RALYL: variants seen among roughly 807,000 people sequenced by gnomAD.
The protein encoded by RALYL is RALY RNA binding protein like, also known as RNA-binding Raly-like protein.
Under a neutral mutation model 35.1 loss-of-function variants are expected in RALYL, and 29 were observed. That is an observed-to-expected ratio of 0.83 (90% CI 0.61 to 1.13). RALYL has a LOEUF of 1.13. Among genes scored for constraint, RALYL ranks in the 50% most tolerant of loss-of-function variants. The pLI, the probability that RALYL is intolerant of heterozygous loss-of-function variation, is 0.00. For synonymous variants in RALYL, 120 were observed against 127.6 expected (o/e 0.94, Z 0.40); for missense variants, 359 against 360.4 (o/e 1.00, Z 0.03).
intron 2 of RALYL, among the ~76,000 whole-genome samples, chr8:84,617,777 A>C (rs1013560974): frequency 6.6e-6 from 1 of 151,336 alleles, no homozygotes; most frequent in Non-Finnish European, 1.5e-5. Flanking sequence ...ATCAATACCT[A>C]ATTTATTGAG....
intron 2 of RALYL, among the ~76,000 whole-genome samples, chr8:84,702,143 C>A (rs1840303883): frequency 6.6e-6 from 1 of 152,058 alleles, no homozygotes; most frequent in South Asian, 2.1e-4. Context: ...TTAGAAAAGA[C>A]CTCAGCACCT....
intron 1 of RALYL, among the ~76,000 whole-genome samples, chr8:84,362,791 C>T (rs989724747): frequency 1.3e-5 from 2 of 152,054 alleles, no homozygotes; most frequent in Non-Finnish European, 2.9e-5. Flanking sequence ...GGGAACAGCA[C>T]CTTGGCTAGT....
chr8:84,728,267 G>A lies in RALYL; in HGVS notation c.257-46312G>A, dbSNP rs954495747. The stretch of plus-strand genomic sequence containing the variant: ...TCGTGTGTTTTTTGGCTACATAGAT[G>A]TCTTCTTTTGAGAAGTGTCTGCTCA... On this transcript the variant is annotated intron_variant, in intron 2 of 8. Coordinates refer to ENST00000521268, the MANE Select transcript of RALYL (RefSeq NM_173848.7). Among the ~76,000 whole-genome samples, 38 of 152,122 alleles carry A rather than the reference G, an allele frequency of 2.5e-4. 1 individual carries two copies. The highest frequency in any genetic ancestry group is 5.9e-5 in the Non-Finnish European group (4 of 68,042).
At chr8:84,756,854 TTACTC>T (rs1374979520) in intron 2 of RALYL, among the ~76,000 whole-genome samples, 6 of 152,062 alleles carry the variant, frequency 3.9e-5, no homozygotes, top group Non-Finnish European at 7.4e-5. Context: ...CATATTTTGA[TTACTC>T]TGTGAATAAA....
intron 5 of RALYL, among the ~76,000 whole-genome samples, chr8:84,858,578 C>A (rs1471704228): frequency 1.3e-5 from 2 of 152,176 alleles, no homozygotes; most frequent in African/African-American, 4.8e-5. Context: ...TGCTGGATTG[C>A]CATTTCTGCT....
intron 4 of RALYL, among the ~76,000 whole-genome samples, chr8:84,825,102 T>A (rs1829385371): frequency 6.6e-6 from 1 of 152,038 alleles, no homozygotes; most frequent in African/African-American, 2.4e-5. Context: ...AAACTATATA[T>A]CTGACAAAAT....
At chr8:84,378,430 A>G (rs1857338873) in intron 1 of RALYL, among the ~76,000 whole-genome samples, 2 of 151,946 alleles carry the variant, frequency 1.3e-5, no homozygotes, top group African/African-American at 4.8e-5. Context: ...TTAGGCATAT[A>G]TGAATAATAC....
intron 1 of RALYL, among the ~76,000 whole-genome samples, chr8:84,369,547 G>C (rs1003220712): frequency 3.3e-5 from 5 of 151,982 alleles, no homozygotes; most frequent in Admixed American, 1.3e-4. Flanking sequence ...AGAGCTTCAG[G>C]GGGGTAGGTT....
chr8:84,709,274 T>A (rs1841751111), intron 2 of RALYL, among the ~76,000 whole-genome samples: 1 of 152,094 alleles, frequency 6.6e-6, no homozygotes, highest in Admixed American at 6.6e-5. Flanking sequence ...AAGACATTAA[T>A]GGTTTCTCAT....
chr8:84,400,071 G>A (rs530757396), intron 1 of RALYL, among the ~76,000 whole-genome samples: 17 of 152,176 alleles, frequency 1.1e-4, no homozygotes, highest in African/African-American at 2.6e-4. Context: ...AGTCAAGATC[G>A]TGCCACTGCA....
intron 1 of RALYL, among the ~76,000 whole-genome samples, chr8:84,487,552 A>C (rs2054787810): frequency 6.6e-6 from 1 of 152,082 alleles, no homozygotes; most frequent in African/African-American, 2.4e-5. Flanking sequence ...GATAGGGGTC[A>C]AGAAACCAAG....
At chr8:84,208,189 A>T (rs1384221736) in intron 1 of RALYL, among the ~76,000 whole-genome samples, 1 of 152,170 alleles carries the variant, frequency 6.6e-6, no homozygotes, top group East Asian at 1.9e-4. Context: ...TTTTCTGTAG[A>T]GTATTAAATT....
At chr8:84,265,909 T>C (rs1200367379) in intron 1 of RALYL, among the ~76,000 whole-genome samples, 1 of 152,210 alleles carries the variant, frequency 6.6e-6, no homozygotes, top group African/African-American at 2.4e-5. Flanking sequence ...CTTTCTTTCC[T>C]TTCCTGTACC....
intron 2 of RALYL, among the ~76,000 whole-genome samples, chr8:84,640,708 C>T (rs1826129664): frequency 6.6e-6 from 1 of 151,796 alleles, no homozygotes; most frequent in Admixed American, 6.6e-5. Context: ...AAAGAGTCAC[C>T]TCAAGCTTTC....
intron 1 of RALYL, among the ~76,000 whole-genome samples, chr8:84,349,841 C>T (rs1850557566): frequency 6.7e-6 from 1 of 150,188 alleles, no homozygotes; most frequent in Admixed American, 6.6e-5. Context: ...AATCACCCAT[C>T]ACCTTAATGA....
At chr8:84,431,328 C>T (rs2047117265) in intron 1 of RALYL, among the ~76,000 whole-genome samples, 1 of 152,146 alleles carries the variant, frequency 6.6e-6, no homozygotes, top group Non-Finnish European at 1.5e-5. Flanking sequence ...CTATACTATC[C>T]TGACTCCCAC....
intron 2 of RALYL, among the ~76,000 whole-genome samples, chr8:84,637,647 G>T (rs1388355453): frequency 6.6e-6 from 1 of 151,856 alleles, no homozygotes; most frequent in East Asian, 1.9e-4. Flanking sequence ...ATGAGGGAAA[G>T]GTACTCAGTA....
chr8:84,481,749 A>G (rs557025548), intron 1 of RALYL, among the ~76,000 whole-genome samples: 1 of 152,152 alleles, frequency 6.6e-6, no homozygotes. Flanking sequence ...CATTTGTATG[A>G]GTATCTAAAA....
chr8:84,460,404 C>T (rs1009772288), intron 1 of RALYL, among the ~76,000 whole-genome samples: 3 of 151,482 alleles, frequency 2.0e-5, no homozygotes, highest in African/African-American at 7.3e-5. Context: ...CTGCATTGTT[C>T]GTAAGAGTAA....
Sources: allele counts gnomAD v4.1 joint callset (sites outside exome capture counted in the v4.1 genomes callset), GRCh38; gene constraint gnomAD v4.1.1; transcripts MANE v1.5; gene names NCBI Gene and HGNC (gene_info 2026-07-23, HGNC 2026-07-21).